The following NMT1 variants were observed in gnomAD, a reference collection of about 807,000 sequenced individuals.
The protein encoded by NMT1 is glycylpeptide N-tetradecanoyltransferase 1.
Under a neutral mutation model 63.4 loss-of-function variants are expected in NMT1, and 12 were observed. The observed-to-expected ratio is 0.19, with a 90% confidence interval of 0.12 to 0.31. The LOEUF is 0.31. Ranked by LOEUF, NMT1 falls within the 10% of genes least tolerant of loss-of-function variation. The pLI, the probability that NMT1 is intolerant of heterozygous loss-of-function variation, is 1.00. For missense variants in NMT1, 432 were observed against 634.6 expected, an observed-to-expected ratio of 0.68 and a Z score of 3.43; for synonymous variants, 228 against 234.3, an observed-to-expected ratio of 0.97 and a Z score of 0.25.
In NMT1 at chr17:45,098,492, G is replaced by A; in HGVS notation, c.824G>A (p.Gly275Asp). ...REITRRVHLE[G>D]IFQAVYTAGV... ...ATCACCAGGCGGGTTCACCTGGAGG[G>A]CATCTTCCAAGCAGTTTACACTGCC... The change falls in exon 7 of 12, where the codon GGC (glycine) becomes GAC (aspartate). Residue 275 changes from glycine (G) to aspartate (D), a missense_variant. Gly to Asp is a moderately conservative substitution (Grantham distance 94). Coordinates refer to ENST00000258960, the MANE Select transcript of NMT1 (RefSeq NM_021079.5). 2 of 1,614,180 alleles carry A rather than the reference G, an allele frequency of 1.2e-6. No individual in the cohort carries two copies. Among genetic ancestry groups the A allele is most frequent in the Non-Finnish European group, 1.7e-6 (2 of 1,180,014 alleles).
chr17:45,062,986 C>T lies in NMT1; in HGVS notation c.131+1526C>T, dbSNP rs368485645. 1.8e-4 allele frequency among the ~76,000 whole-genome samples: 27 copies of T among 151,920 alleles called. No homozygotes were observed. The East Asian group carries it at 3.3e-3, about 19-fold the overall frequency. On this transcript the variant is annotated intron_variant, in intron 1 of 11. Transcript: ENST00000258960. ...TCCCAGTACTTTGGGAGGCAGATCA[C>T]GAGGTCAGGAGATCGAGACCATCCT...
rs778915609 is a variant in NMT1, at chr17:45,061,468, A to G, written c.131+8A>G. The G allele has an allele frequency of 1.9e-6, 3 of 1,610,726 alleles. No individual in the cohort carries two copies. Among genetic ancestry groups the G allele is most frequent in the East Asian group, 4.5e-5 (2 of 44,750 alleles). On this transcript the variant is annotated splice_region_variant and intron_variant, in intron 1 of 11. Transcript: ENST00000258960. ...CAACAGCTACAACCGGGGGTAACGA[A>G]ATCCTCGGAGTCCAATTCCCGTCCA... is the stretch of plus-strand genomic sequence containing the variant.
chr17:45,108,567 G>A lies in NMT1; in HGVS notation c.*2928G>A, dbSNP rs2054219169. 6.5e-6 allele frequency: 1 copy of A among 152,680 alleles called. No individual in the cohort carries two copies. The highest frequency in any genetic ancestry group is 6.5e-5 in the Admixed American group (1 of 15,280). The allele number at this position is 152,680 out of a possible 1,614,324, so 9.5% of individuals were successfully genotyped here. A position where few individuals can be genotyped will look rare whatever the true frequency, so the allele number is the denominator to read the frequency against. Reference sequence around the variant, plus strand: ...CATTTAACCAACCTAAGGGCCCAAAGGCCTTGGACAACTGCATGGAGCTGC... The same window carrying A: ...CATTTAACCAACCTAAGGGCCCAAAAGCCTTGGACAACTGCATGGAGCTGC... On this transcript the variant is annotated 3_prime_UTR_variant, in exon 12 of 12. Coordinates refer to ENST00000258960, the MANE Select transcript of NMT1 (RefSeq NM_021079.5).
intron 1 of NMT1, among the ~76,000 whole-genome samples, chr17:45,073,768 G>A (rs2053958089): frequency 6.6e-6 from 1 of 152,252 alleles, no homozygotes; most frequent in African/African-American, 2.4e-5. Flanking sequence ...GAGATTGATG[G>A]CTCCTCCCTA....
chr17:45,086,722 G>T (rs2054057456), intron 3 of NMT1, 70 bp downstream of exon 3: 3 of 1,479,172 alleles, frequency 2.0e-6, no homozygotes, highest in Non-Finnish European at 2.7e-6. Context: ...CTTCATGAGG[G>T]TTTCATGCTG....
At chr17:45,098,627 G>A in intron 7 of NMT1, 75 bp downstream of exon 7, 1 of 1,402,330 alleles carries the variant, frequency 7.1e-7, no homozygotes, top group Non-Finnish European at 1.0e-6. Flanking sequence ...GCCACTGTGA[G>A]TCACAGCTCC....
intron 3 of NMT1, among the ~76,000 whole-genome samples, chr17:45,089,259 A>G (rs2054073253): frequency 1.3e-5 from 2 of 152,130 alleles, no homozygotes; most frequent in African/African-American, 2.4e-5. Flanking sequence ...TATCAGCTGC[A>G]CTGTGTTTTT....
intron 6 of NMT1, 142 bp downstream of exon 6, chr17:45,097,386 T>G: frequency 1.4e-6 from 1 of 714,098 alleles, no homozygotes; most frequent in African/African-American, 1.7e-5. Flanking sequence ...GTGCGGGGAC[T>G]GCAGATTCAT....
At position 45,096,186 on chromosome 17, in the gene NMT1, C is replaced by A; in HGVS notation, c.505-8C>A. 6.2e-7 allele frequency: 1 copy of A among 1,604,072 alleles called. No individual in the cohort carries two copies. Reference sequence around the variant, plus strand: ...ATACCTCCAAGTGAGCTGCTTATTTCTTTACAGCTAAAAGAACTGTACACC... The same window carrying A: ...ATACCTCCAAGTGAGCTGCTTATTTATTTACAGCTAAAAGAACTGTACACC... On this transcript the variant is annotated splice_polypyrimidine_tract_variant and splice_region_variant and intron_variant, in intron 4 of 11. Coordinates refer to ENST00000258960, the MANE Select transcript of NMT1 (RefSeq NM_021079.5).
At chr17:45,076,944 A>G (rs2053981472) in intron 1 of NMT1, among the ~76,000 whole-genome samples, 1 of 152,210 alleles carries the variant, frequency 6.6e-6, no homozygotes, top group Non-Finnish European at 1.5e-5. Context: ...TTGGCAATGC[A>G]TAAAGCAGAA....
intron 3 of NMT1, among the ~76,000 whole-genome samples, chr17:45,091,828 C>A (rs2054090656): frequency 6.6e-6 from 1 of 152,090 alleles, no homozygotes; most frequent in South Asian, 2.1e-4. Context: ...GAGTTTGAGA[C>A]CAGCCTGGGC....
rs192440480 is a variant in NMT1, at chr17:45,108,914, G to C, written c.*3275G>C. 1.3e-5 allele frequency: 2 copies of C among 152,522 alleles called. No homozygotes were observed. Among genetic ancestry groups the C allele is most frequent in the Non-Finnish European group, 2.9e-5 (2 of 68,038 alleles). The allele number at this position is 152,522 out of a possible 1,614,324, so 9.4% of individuals were successfully genotyped here. A position where few individuals can be genotyped will look rare whatever the true frequency, so the allele number is the denominator to read the frequency against. On this transcript the variant is annotated 3_prime_UTR_variant, in exon 12 of 12. Coordinates refer to ENST00000258960, the MANE Select transcript of NMT1 (RefSeq NM_021079.5). ...TTGTCTTGGCTTTTCTTTGGGCTGT[G>C]GGGGGGCATCCATTTCCAGGGTCGG...
At chr17:45,074,140 C>G (rs1342536121) in intron 1 of NMT1, among the ~76,000 whole-genome samples, 1 of 152,010 alleles carries the variant, frequency 6.6e-6, no homozygotes, top group African/African-American at 2.4e-5. Flanking sequence ...TCCCCAAGGT[C>G]TGAATTTATA....
intron 1 of NMT1, among the ~76,000 whole-genome samples, chr17:45,077,851 A>G (rs982644029): frequency 1.3e-4 from 20 of 152,238 alleles, no homozygotes; most frequent in African/African-American, 4.8e-4. Context: ...TTAGGCCATA[A>G]ATGACTTTAT....
chr17:45,105,768 T>C lies in NMT1; in HGVS notation c.*129T>C. 1.1e-6 allele frequency: 1 copy of C among 898,316 alleles called. No homozygotes were observed. The highest frequency in any genetic ancestry group is 1.7e-6 in the Non-Finnish European group (1 of 586,776). 55.6% of individuals were successfully genotyped at this position (898,316 alleles called of 1,614,324 possible). A position where few individuals can be genotyped will look rare whatever the true frequency, so the allele number is the denominator to read the frequency against. On this transcript the variant is annotated 3_prime_UTR_variant, in exon 12 of 12. Coordinates refer to ENST00000258960, the MANE Select transcript of NMT1 (RefSeq NM_021079.5). This position sits in a 1 kb window ranked among gnomAD's most constrained non-coding sequence, Gnocchi z 4.2. ...AAAGGGAGCAGAACTGAACCGGCTTTACCAAACCGCCAGCGAACTTGACAA... is the reference window on the plus strand; with the variant it reads ...AAAGGGAGCAGAACTGAACCGGCTTCACCAAACCGCCAGCGAACTTGACAA...
rs141762679 is a variant in NMT1 at position 45,075,434 on chromosome 17, G to A, written c.132-6210G>A. Among the ~76,000 whole-genome samples, 505 of 150,072 alleles carry A rather than the reference G, an allele frequency of 3.4e-3. 4 individuals carry two copies. Among genetic ancestry groups the A allele is most frequent in the African/African-American group, 0.012 (476 of 40,702 alleles). ...TGGGAGGTGGAGGTTGCAGTGAGCC[G>A]AGATCACACCACTGCACTAGAGGCT... On this transcript the variant is annotated intron_variant, in intron 1 of 11. Transcript: ENST00000258960.
chr17:45,074,911 A>T lies in NMT1; in HGVS notation c.132-6733A>T, dbSNP rs2053968131. Among the ~76,000 whole-genome samples the T allele has an allele frequency of 2.0e-5, 3 of 152,208 alleles. No individual in the cohort carries two copies. The South Asian group carries it at 6.2e-4, about 32-fold the overall frequency. On this transcript the variant is annotated intron_variant, in intron 1 of 11. Transcript: ENST00000258960. ...TCCCACCCAGTGGGTGTGGACTTCA[A>T]ATCCCTTTAAAAAGGATGCCAGCCA...
rs1164637646 is a variant in NMT1 at position 45,106,292 on chromosome 17, A to T, written c.*653A>T. 6.6e-6 allele frequency: 1 copy of T among 152,650 alleles called. No individual in the cohort carries two copies. Among genetic ancestry groups the T allele is most frequent in the Non-Finnish European group, 1.5e-5 (1 of 68,056 alleles). 9.5% of individuals were successfully genotyped at this position (152,650 alleles called of 1,614,324 possible). On this transcript the variant is annotated 3_prime_UTR_variant, in exon 12 of 12. Coordinates refer to ENST00000258960, the MANE Select transcript of NMT1 (RefSeq NM_021079.5). ...CTCTTGGCTGGGGCTGACCCTGGGC[A>T]GGGACTTTCCTGCAGGGCCAGACCT...
intron 3 of NMT1, among the ~76,000 whole-genome samples, chr17:45,088,145 TC>T (rs1210640719): frequency 1.3e-5 from 2 of 152,224 alleles, no homozygotes; most frequent in African/African-American, 4.8e-5. Context: ...GGGTGCTGAT[TC>T]CCCCATCACC....
Sources: gnomAD v4.1 joint callset for allele counts (sites outside exome capture counted in the v4.1 genomes callset) on GRCh38, gnomAD v4.1.1 for gene constraint, Gnocchi (gnomAD v3.1) non-coding constraint, MANE v1.5 for transcripts, NCBI Gene and HGNC (gene_info 2026-07-23, HGNC 2026-07-21) for gene names.